The following SLC4A5 variants were observed in gnomAD, a reference collection of about 807,000 sequenced individuals.
The protein encoded by SLC4A5 is solute carrier family 4 member 5, also known as electrogenic sodium bicarbonate cotransporter 4.
Under a neutral mutation model 120.4 loss-of-function variants are expected in SLC4A5, and 96 were observed. The ratio of observed to expected loss-of-function variants is 0.80; its 90% confidence interval spans 0.68 to 0.94. The LOEUF is 0.94. Ranked by LOEUF, SLC4A5 falls within the 40% of genes least tolerant of loss-of-function variation. The pLI is 0.00. For missense variants in SLC4A5, 1,259 were observed against 1,459.5 expected (o/e 0.86, Z 2.24); for synonymous variants, 550 against 571.1 (o/e 0.96, Z 0.53).
chr2:74,304,321 C>T (rs1672570411), intron 7 of SLC4A5, among the ~76,000 whole-genome samples, 168 bp downstream of exon 7: 2 of 152,134 alleles, frequency 1.3e-5, no homozygotes, highest in Admixed American at 1.3e-4. Flanking sequence ...TGTCAGTGAG[C>T]AGGAAGGTTG....
intron 21 of SLC4A5, among the ~76,000 whole-genome samples, chr2:74,235,862 A>T (rs1375979911): frequency 6.6e-6 from 1 of 151,658 alleles, no homozygotes; most frequent in Non-Finnish European, 1.5e-5. Flanking sequence ...ATGTCCTCCG[A>T]CCTCCCCTCC....
At chr2:74,257,433 C>A (rs544191025) in intron 12 of SLC4A5, among the ~76,000 whole-genome samples, 2 of 151,984 alleles carry the variant, frequency 1.3e-5, no homozygotes, top group Non-Finnish European at 2.9e-5. Context: ...CTGGGTGTAA[C>A]AGGGCAGCCA....
intron 7 of SLC4A5, among the ~76,000 whole-genome samples, chr2:74,294,868 G>A (rs1169958128): frequency 2.0e-5 from 3 of 151,876 alleles, no homozygotes; most frequent in African/African-American, 7.3e-5. Flanking sequence ...AACTGGGTTC[G>A]CCATGTTGGC....
chr2:74,304,349 A>G, intron 7 of SLC4A5, 140 bp downstream of exon 7: 3 of 831,338 alleles, frequency 3.6e-6, no homozygotes, highest in South Asian at 2.3e-5. Context: ...ATGGAAGCAG[A>G]GCAGAGGGGG....
chr2:74,276,495 TC>T (rs1671643480), intron 8 of SLC4A5, among the ~76,000 whole-genome samples: 1 of 152,170 alleles, frequency 6.6e-6, no homozygotes, highest in Non-Finnish European at 1.5e-5. Context: ...CATCAGCAGA[TC>T]TCCATGGACA....
chr2:74,223,903 T>A (rs1053408558), intron 28 of SLC4A5, among the ~76,000 whole-genome samples: 1 of 152,072 alleles, frequency 6.6e-6, no homozygotes, highest in African/African-American at 2.4e-5. Context: ...CTTGAACAGG[T>A]TTCATCTGCA....
At chr2:74,340,769 C>A (rs995892177) in intron 2 of SLC4A5, among the ~76,000 whole-genome samples, 1 of 152,114 alleles carries the variant, frequency 6.6e-6, no homozygotes, top group Non-Finnish European at 1.5e-5. Context: ...CCCTGGTTAG[C>A]TAAATAAGTG....
At chr2:74,234,051 TTGTC>T (rs1670186776) in intron 22 of SLC4A5, among the ~76,000 whole-genome samples, 1 of 150,330 alleles carries the variant, frequency 6.7e-6, no homozygotes, top group Non-Finnish European at 1.5e-5. Flanking sequence ...TAAAAAGACT[TTGTC>T]TCAAAAAACA....
intron 8 of SLC4A5, among the ~76,000 whole-genome samples, chr2:74,266,093 T>C (rs764740535): frequency 1.3e-5 from 2 of 152,030 alleles, no homozygotes; most frequent in Admixed American, 6.5e-5. Flanking sequence ...AAAAGGTAAA[T>C]GTAGGAGAAT....
chr2:74,235,091 A>T lies in SLC4A5; in HGVS notation c.2433+10T>A, dbSNP rs1392086160. On this transcript the variant is annotated intron_variant, in intron 22 of 30. Coordinates refer to ENST00000394019, the Ensembl canonical transcript of SLC4A5. ...AGACTGGATGCCCAGAGCGAGGGAA[A>T]GGGGCAAACCTTGATGACACTGGGC... 6.2e-7 allele frequency: 1 copy of T among 1,608,106 alleles called. No individual in the cohort carries two copies. The highest frequency in any genetic ancestry group is 8.5e-7 in the Non-Finnish European group (1 of 1,174,752).
At chr2:74,226,200 G>A (rs1476171117) in intron 27 of SLC4A5, among the ~76,000 whole-genome samples, 1 of 151,294 alleles carries the variant, frequency 6.6e-6, no homozygotes, top group Non-Finnish European at 1.5e-5. Context: ...CAAGAACCAT[G>A]GACTAGACCC....
chr2:74,324,404 G>A (rs932841981), intron 5 of SLC4A5, among the ~76,000 whole-genome samples: 2 of 152,214 alleles, frequency 1.3e-5, no homozygotes, highest in East Asian at 1.9e-4. Context: ...GGGATTACAC[G>A]TGTGAGCAGC....
Position 74,233,368 on chromosome 2 carries a change from GAGGTTATGCC to G in SLC4A5, c.2595+24_2595+33del, listed in dbSNP as rs760509165. ...CTCTTTCTGACTTTGTGGGAAGAAA[GAGGTTATGCC>G]TCTGCTCCTAGTACCGGCCTTACCT... On this transcript the variant is annotated intron_variant, in intron 23 of 30. Transcript: ENST00000394019. 2.9e-4 allele frequency: 461 copies of G among 1,612,028 alleles called. 1 individual carries two copies. In the African/African-American group the frequency reaches 5.4e-3, roughly 19 times the overall value.
intron 27 of SLC4A5, 122 bp downstream of exon 27, chr2:74,226,835 C>T (rs969691233): frequency 4.3e-5 from 50 of 1,174,992 alleles, no homozygotes; most frequent in Middle Eastern, 4.5e-4. Context: ...CTCCGTGACC[C>T]GAGGGAGCCA....
chr2:74,248,186 A>T (rs1018341450), intron 18 of SLC4A5, among the ~76,000 whole-genome samples, 167 bp downstream of exon 18: 4 of 152,204 alleles, frequency 2.6e-5, no homozygotes, highest in African/African-American at 9.7e-5. Flanking sequence ...AAAGGCAGGT[A>T]GCTGGCAGGA....
intron 7 of SLC4A5, among the ~76,000 whole-genome samples, chr2:74,303,743 T>G (rs1360383691): frequency 2.6e-5 from 4 of 152,202 alleles, no homozygotes; most frequent in Non-Finnish European, 5.9e-5. Flanking sequence ...CACAATTCTG[T>G]ACCAGGTCTT....
intron 5 of SLC4A5, among the ~76,000 whole-genome samples, chr2:74,320,708 G>A (rs1673074641): frequency 6.6e-6 from 1 of 152,046 alleles, no homozygotes; most frequent in African/African-American, 2.4e-5. Flanking sequence ...CTGGGAAACG[G>A]GATTCACCAC....
chr2:74,333,152 C>A (rs1258685536), intron 4 of SLC4A5, among the ~76,000 whole-genome samples: 1 of 152,176 alleles, frequency 6.6e-6, no homozygotes, highest in African/African-American at 2.4e-5. Flanking sequence ...AAGGTCACTA[C>A]TGGAGGGAGA....
rs62147687 is a variant in SLC4A5, at chr2:74,221,350, T to C, written c.*33+84A>G. ...GCCTTCTACTGAGAGGACAGCTAGCTTGGGAAATCCTAGACCCTCCACCTT... is the reference window on the plus strand; with the variant it reads ...GCCTTCTACTGAGAGGACAGCTAGCCTGGGAAATCCTAGACCCTCCACCTT... On this transcript the variant is annotated intron_variant, in intron 30 of 30. Transcript: ENST00000394019. 3.8e-3 allele frequency: 3,981 copies of C among 1,049,366 alleles called. 14 individuals are homozygous for C. The highest frequency in any genetic ancestry group is 4.8e-3 in the Non-Finnish European group (3,338 of 700,114). 65.0% of individuals were successfully genotyped at this position (1,049,366 alleles called of 1,614,324 possible). A position where few individuals can be genotyped will look rare whatever the true frequency, so the allele number is the denominator to read the frequency against.
Sources: allele counts gnomAD v4.1 joint callset (sites outside exome capture counted in the v4.1 genomes callset), GRCh38; gene constraint gnomAD v4.1.1; transcripts MANE v1.5; gene names NCBI Gene and HGNC (gene_info 2026-07-23, HGNC 2026-07-21).